Variants in MARCHF10 observed in about 807,000 individuals in gnomAD.
MARCHF10 encodes the protein membrane associated ring-CH-type finger 10.
MARCHF10 carries 64 observed loss-of-function variants against 76.2 expected under a neutral mutation model. That is an observed-to-expected ratio of 0.84 (90% confidence interval 0.69 to 1.03). MARCHF10 has a LOEUF of 1.03. Ranked by LOEUF, MARCHF10 falls within the 50% of genes least tolerant of loss-of-function variation. MARCHF10 has a pLI of 0.00. For synonymous variants in MARCHF10, 340 were observed against 357.5 expected, an observed-to-expected ratio of 0.95 and a Z score of 0.55; for missense variants, 875 against 958.0, an observed-to-expected ratio of 0.91 and a Z score of 1.14.
chr17:62,706,236 C>CT (rs2089581509), intron 9 of MARCHF10: 1 of 152,276 alleles, frequency 6.6e-6, no homozygotes, highest in Admixed American at 6.5e-5. Context: ...GTGGAGGCAG[C>CT]TTTAGTCCCT....
intron 9 of MARCHF10, among the ~76,000 whole-genome samples, chr17:62,710,481 G>T (rs1268349513): frequency 6.0e-5 from 9 of 148,820 alleles, no homozygotes; most frequent in African/African-American, 2.2e-4. Context: ...AGAGCTCAGG[G>T]TCTAAGGAGA....
chr17:62,799,638 T>A (rs1461583588), intron 2 of MARCHF10, among the ~76,000 whole-genome samples: 2 of 151,296 alleles, frequency 1.3e-5, no homozygotes, highest in Non-Finnish European at 2.9e-5. Flanking sequence ...CCCAGCTACT[T>A]GGGACGCGGA....
At chr17:62,744,134 G>A (rs572662917) in intron 5 of MARCHF10, among the ~76,000 whole-genome samples, 4 of 152,158 alleles carry the variant, frequency 2.6e-5, no homozygotes, top group African/African-American at 7.2e-5. Flanking sequence ...AGTTATGGGA[G>A]AGAAAAAGAT....
intron 4 of MARCHF10, among the ~76,000 whole-genome samples, chr17:62,751,189 G>A (rs1009498910): frequency 6.6e-6 from 1 of 152,204 alleles, no homozygotes; most frequent in Non-Finnish European, 1.5e-5. Context: ...GCCTGATGGA[G>A]TCATGAGTCA....
chr17:62,766,058 T>C (rs1304543209), intron 3 of MARCHF10, among the ~76,000 whole-genome samples: 1 of 151,108 alleles, frequency 6.6e-6, no homozygotes, highest in Non-Finnish European at 1.5e-5. Flanking sequence ...TAGCCAGGCA[T>C]GGTGGTGTGC....
At chr17:62,702,100 C>T (rs1180088171) in intron 10 of MARCHF10, among the ~76,000 whole-genome samples, 2 of 152,158 alleles carry the variant, frequency 1.3e-5, no homozygotes, top group Admixed American at 6.5e-5. Context: ...CTTGAACCCC[C>T]GCTTCCTAAT....
chr17:62,795,673 T>C (rs1419628356), intron 2 of MARCHF10, among the ~76,000 whole-genome samples: 1 of 152,152 alleles, frequency 6.6e-6, no homozygotes, highest in Non-Finnish European at 1.5e-5. Flanking sequence ...GCAGGAATGG[T>C]TTACACAAGA....
chr17:62,705,204 C>G, intron 10 of MARCHF10: 1 of 1,245,872 alleles, frequency 8.0e-7, no homozygotes, highest in Non-Finnish European at 1.0e-6. Context: ...GTAAAAAAAC[C>G]AACCCCCAAA....
At chr17:62,733,853 A>G (rs1478078979) in intron 6 of MARCHF10, among the ~76,000 whole-genome samples, 1 of 152,242 alleles carries the variant, frequency 6.6e-6, no homozygotes, top group East Asian at 1.9e-4. Context: ...ACAGAGTCAA[A>G]CACTTGCTCA....
chr17:62,807,034 T>C (rs1316781314), intron 1 of MARCHF10, among the ~76,000 whole-genome samples: 4 of 152,220 alleles, frequency 2.6e-5, no homozygotes, highest in Non-Finnish European at 4.4e-5. Context: ...AAAATCTAAA[T>C]GGCTATTGTT....
intron 1 of MARCHF10, 91 bp from the exon 2 acceptor site, chr17:62,801,843 G>C: frequency 1.1e-6 from 1 of 947,744 alleles, no homozygotes; most frequent in Non-Finnish European, 1.7e-6. Flanking sequence ...GCTTTTATTT[G>C]TGTATTCATC....
At position 62,783,171 on chromosome 17, in the gene MARCHF10, A is replaced by G. The variant is rs555023224; in HGVS notation, c.210+5309T>C. Among the ~76,000 whole-genome samples the G allele has an allele frequency of 2.9e-5, 4 of 140,106 alleles. No individual in the cohort carries two copies. In the East Asian group the frequency reaches 8.2e-4, roughly 29 times the overall value. The allele number at this position is 140,106 out of a possible 152,430, so 91.9% of individuals were successfully genotyped here. A position where few individuals can be genotyped will look rare whatever the true frequency, so the allele number is the denominator to read the frequency against. ...TGCAAACATAAAATATCCTGTCCTC[A>G]TATTTTAGAGGAAAAATTGCCAGTT... On this transcript the variant is annotated intron_variant, in intron 3 of 10. Transcript: ENST00000311269.
intron 3 of MARCHF10, among the ~76,000 whole-genome samples, chr17:62,770,094 C>T (rs2092413998): frequency 6.6e-6 from 1 of 152,128 alleles, no homozygotes; most frequent in African/African-American, 2.4e-5. Flanking sequence ...TATTTAGCTC[C>T]CACTTATAAG....
intron 2 of MARCHF10, among the ~76,000 whole-genome samples, chr17:62,792,545 C>CA (rs2092863824): frequency 6.7e-6 from 1 of 150,306 alleles, no homozygotes. Flanking sequence ...CCACCACCAC[C>CA]TGCACCACCA....
intron 9 of MARCHF10, 66 bp from the exon 10 acceptor site, chr17:62,705,647 C>G (rs913686199): frequency 1.3e-6 from 2 of 1,588,160 alleles, no homozygotes; most frequent in South Asian, 2.2e-5. Context: ...AGATGTATAA[C>G]CTCCTAGTCG....
At chr17:62,716,447 G>GA (rs1026833720) in intron 8 of MARCHF10, among the ~76,000 whole-genome samples, 2 of 146,062 alleles carry the variant, frequency 1.4e-5, no homozygotes, top group Non-Finnish European at 3.0e-5. Flanking sequence ...AAAAAAAAAA[G>GA]AAAAAAAGCA....
chr17:62,793,699 TACC>T (rs1393847910), intron 2 of MARCHF10, among the ~76,000 whole-genome samples: 184 of 44,112 alleles, frequency 4.2e-3, no homozygotes, highest in African/African-American at 0.015. Flanking sequence ...CCACAACCAT[TACC>T]ACCACCACCA....
rs1270497383 is a variant in MARCHF10, at chr17:62,711,742, A to T, written c.2215-398T>A. Among the ~76,000 whole-genome samples the T allele has an allele frequency of 6.6e-6, 1 of 152,230 alleles. No individual in the cohort carries two copies. The highest frequency in any genetic ancestry group is 2.4e-5 in the African/African-American group (1 of 41,452). ...GAGAGCTTCATCGGTAAACAGCTCC[A>T]GTACAAGCTGGATGTGTCGGGTGCT... On this transcript the variant is annotated intron_variant, in intron 8 of 10. Transcript: ENST00000311269. The surrounding 1 kb of genome is among the most constrained non-coding windows in gnomAD (Gnocchi z 4.4).
At chr17:62,739,681 G>A (rs961644647) in intron 5 of MARCHF10, among the ~76,000 whole-genome samples, 2 of 152,040 alleles carry the variant, frequency 1.3e-5, no homozygotes, top group African/African-American at 2.4e-5. Flanking sequence ...GTGCCCGGCC[G>A]GCTGATGACT....
Sources: allele counts gnomAD v4.1 joint callset (sites outside exome capture counted in the v4.1 genomes callset), GRCh38; gene constraint gnomAD v4.1.1; non-coding constraint Gnocchi (gnomAD v3.1); transcripts MANE v1.5; gene names NCBI Gene and HGNC (gene_info 2026-07-23, HGNC 2026-07-21).